Variants in DGKB observed in about 807,000 individuals in gnomAD.
DGKB encodes the protein 90 kDa diacylglycerol kinase.
A neutral mutation model predicts 114.3 loss-of-function variants in DGKB; 67 were observed. The ratio of observed to expected loss-of-function variants is 0.59; its 90% CI spans 0.48 to 0.72. The LOEUF is 0.72. Among genes scored for constraint, DGKB ranks in the 30% least tolerant of loss-of-function variants. The probability of loss-of-function intolerance (pLI) is 0.00; values close to 1 mark genes in which losing one functional copy is unlikely to be tolerated. For missense variants in DGKB, 907 were observed against 975.2 expected (o/e 0.93, Z 0.93); for synonymous variants, 398 against 323.1 (o/e 1.23, Z -2.49).
At chr7:14,889,080 C>A (rs533951318) in intron 1 of DGKB, among the ~76,000 whole-genome samples, 9 of 151,766 alleles carry the variant, frequency 5.9e-5, no homozygotes, top group African/African-American at 1.9e-4. Flanking sequence ...AATAAAAAGG[C>A]TGTTCAGGTT....
At position 14,931,741 on chromosome 7, in the gene DGKB, G is replaced by C. The variant is rs75571689; in HGVS notation, c.-188+42955C>G. ...GCCAACCAGTCACTTCCAGCAGTTT[G>C]TGCATCTTCTGAAGCTAAGTCCTGG... On this transcript the variant is annotated intron_variant, in intron 1 of 4. Coordinates refer to the DGKB transcript ENST00000437998. Among the ~76,000 whole-genome samples, 1,485 of 152,124 alleles carry C rather than the reference G, an allele frequency of 9.8e-3. 22 individuals carry two copies. The highest frequency in any genetic ancestry group is 0.033 in the African/African-American group (1,379 of 41,500).
intron 21 of DGKB, among the ~76,000 whole-genome samples, chr7:14,458,678 G>C (rs542641153): frequency 6.6e-6 from 1 of 152,166 alleles, no homozygotes; most frequent in Non-Finnish European, 1.5e-5. Flanking sequence ...CAGATACTAA[G>C]CTTTTCCCAC....
intron 23 of DGKB, among the ~76,000 whole-genome samples, chr7:14,198,841 A>AAAAGTCT (rs1785405153): frequency 2.6e-4 from 39 of 152,118 alleles, no homozygotes; most frequent in Admixed American, 2.6e-3. Flanking sequence ...GGTCATGAGG[A>AAAAGTCT]GGGATAGGGG....
At chr7:14,739,725 G>A (rs550347558) in intron 4 of DGKB, among the ~76,000 whole-genome samples, 3 of 152,176 alleles carry the variant, frequency 2.0e-5, no homozygotes, top group African/African-American at 7.2e-5. Flanking sequence ...TTTTTCTGAA[G>A]GCAGAGGAAA....
chr7:14,631,012 C>T (rs574733725), intron 13 of DGKB, among the ~76,000 whole-genome samples: 124 of 151,066 alleles, frequency 8.2e-4, no homozygotes, highest in African/African-American at 2.9e-3. Flanking sequence ...TGACAAATCA[C>T]ACACACAATA....
At chr7:14,908,573 G>T (rs1160712904) in intron 1 of DGKB, among the ~76,000 whole-genome samples, 1 of 152,090 alleles carries the variant, frequency 6.6e-6, no homozygotes, top group African/African-American at 2.4e-5. Context: ...TGTTTATATT[G>T]TTTACAATTT....
chr7:14,943,679 G>A (rs59643192), intron 1 of DGKB, among the ~76,000 whole-genome samples: 24,854 of 151,640 alleles, frequency 0.16, 2,233 homozygotes, highest in African/African-American at 0.22. Flanking sequence ...TTCCACAGTA[G>A]CTACTCAGAA....
chr7:14,293,751 A>G (rs2128475805), intron 23 of DGKB, among the ~76,000 whole-genome samples: 1 of 152,238 alleles, frequency 6.6e-6, no homozygotes, highest in South Asian at 2.1e-4. Flanking sequence ...GATGGAGTTT[A>G]CTTTTAAAAA....
chr7:14,385,974 A>C (rs1275351876), intron 21 of DGKB, among the ~76,000 whole-genome samples: 1 of 152,242 alleles, frequency 6.6e-6, no homozygotes, highest in Admixed American at 6.5e-5. Context: ...GAAAATGCTA[A>C]ATTTCAGTGA....
chr7:14,410,400 C>A (rs1431710581), intron 21 of DGKB, among the ~76,000 whole-genome samples: 1 of 151,782 alleles, frequency 6.6e-6, no homozygotes, highest in Admixed American at 6.6e-5. Flanking sequence ...ATTTCTAAAC[C>A]TTTTGCTATT....
At chr7:14,666,864 A>G (rs1818121044) in intron 13 of DGKB, among the ~76,000 whole-genome samples, 1 of 152,044 alleles carries the variant, frequency 6.6e-6, no homozygotes, top group South Asian at 2.1e-4. Flanking sequence ...TAAGTAATAT[A>G]GATTTTTGAT....
At chr7:14,621,222 C>T in intron 15 of DGKB, 156 bp downstream of exon 15, 1 of 564,150 alleles carries the variant, frequency 1.8e-6, no homozygotes, top group Non-Finnish European at 3.1e-6. Context: ...AACCGTAAGA[C>T]TGACATCTTG....
chr7:14,441,319 C>T (rs1830061326), intron 21 of DGKB, among the ~76,000 whole-genome samples: 1 of 151,976 alleles, frequency 6.6e-6, no homozygotes, highest in African/African-American at 2.4e-5. Context: ...TATCTTTTGC[C>T]TATCAGACTG....
chr7:14,836,535 C>T (rs930788086), intron 2 of DGKB, among the ~76,000 whole-genome samples: 3 of 152,148 alleles, frequency 2.0e-5, no homozygotes, highest in Admixed American at 2.0e-4. Flanking sequence ...TAACCCTTTG[C>T]TGTGACGTGG....
intron 23 of DGKB, among the ~76,000 whole-genome samples, chr7:14,274,750 G>A (rs1251609243): frequency 6.6e-6 from 1 of 151,920 alleles, no homozygotes; most frequent in African/African-American, 2.4e-5. Context: ...GTTCTCAAAT[G>A]GCAGAAAGAG....
chr7:14,843,593 C>T (rs1848250921), intron 1 of DGKB, among the ~76,000 whole-genome samples: 1 of 152,026 alleles, frequency 6.6e-6, no homozygotes, highest in Non-Finnish European at 1.5e-5. Flanking sequence ...CTCGGCCTCC[C>T]AAAGTGCTGG....
At chr7:14,801,557 C>T (rs1274436352) in intron 2 of DGKB, among the ~76,000 whole-genome samples, 1 of 152,086 alleles carries the variant, frequency 6.6e-6, no homozygotes, top group African/African-American at 2.4e-5. Context: ...TTTAATAGAA[C>T]AAAAGGTGTA....
At position 14,316,024 on chromosome 7, in the gene DGKB, T is replaced by G. The variant is rs1221774296; in HGVS notation, c.2122+22491A>C. ...ACATGGAAACTGAACAACCTGCTCCTGAATGACTGTTGGGTACATAACGAA... is the reference window on the plus strand; with the variant it reads ...ACATGGAAACTGAACAACCTGCTCCGGAATGACTGTTGGGTACATAACGAA... On this transcript the variant is annotated intron_variant, in intron 23 of 25. Transcript: ENST00000402815. Among the ~76,000 whole-genome samples, 2 of 150,914 alleles carry G rather than the reference T, an allele frequency of 1.3e-5. 1 individual carries two copies. The highest frequency in any genetic ancestry group is 2.9e-5 in the Non-Finnish European group (2 of 68,038).
At chr7:14,819,358 G>A (rs1333704494) in intron 2 of DGKB, among the ~76,000 whole-genome samples, 3 of 152,196 alleles carry the variant, frequency 2.0e-5, no homozygotes, top group East Asian at 1.9e-4. Flanking sequence ...AGGCAGAGGC[G>A]GGTGAACGCT....
Sources: allele counts gnomAD v4.1 joint callset (sites outside exome capture counted in the v4.1 genomes callset), GRCh38; gene constraint gnomAD v4.1.1; transcripts MANE v1.5; gene names NCBI Gene and HGNC (gene_info 2026-07-23, HGNC 2026-07-21).